Variants in POT1 observed in about 807,000 individuals in gnomAD.
POT1 encodes the protein protection of telomeres 1.
In POT1, 47 loss-of-function variants were observed where a neutral mutation model predicts 78.5. That is an observed-to-expected ratio of 0.60 (90% CI 0.47 to 0.76). The LOEUF (loss-of-function observed/expected upper bound fraction) is 0.76, where lower values mean the gene tolerates loss of function less well. Among genes scored for constraint, POT1 ranks in the 30% least tolerant of loss-of-function variants. The probability of loss-of-function intolerance (pLI) is 0.00; values close to 1 mark genes in which losing one functional copy is unlikely to be tolerated. For missense variants in POT1, 646 were observed against 749.9 expected (o/e 0.86, Z 1.62); for synonymous variants, 259 against 260.7 (o/e 0.99, Z 0.06).
intron 2 of POT1, among the ~76,000 whole-genome samples, chr7:124,923,589 A>C (rs1179311277): frequency 6.6e-6 from 1 of 151,834 alleles, no homozygotes; most frequent in East Asian, 1.9e-4. Context: ...GAGAGATTAG[A>C]AAGTTAAAAA....
intron 3 of POT1, among the ~76,000 whole-genome samples, chr7:124,905,460 C>A (rs1332037842): frequency 9.2e-5 from 14 of 152,096 alleles, no homozygotes; most frequent in African/African-American, 2.9e-4. Flanking sequence ...CCCTTCCTTA[C>A]ACCTTATACA....
At position 124,824,017 on chromosome 7, in the gene POT1, T is replaced by C; in HGVS notation, c.1850A>G (p.Asp617Gly). The C allele has an allele frequency of 6.2e-7, 1 of 1,609,602 alleles. No homozygotes were observed. Among genetic ancestry groups the C allele is most frequent in the East Asian group, 2.2e-5 (1 of 44,712 alleles). The change falls in exon 19 of 19, where the codon GAT becomes GGT. Residue 617 changes from aspartate (D) to glycine (G), a missense_variant. Asp to Gly is a moderately conservative substitution (Grantham distance 94, BLOSUM62 -1). This residue lies in a region of POT1 where 394 missense variants were observed against 408.4 expected (regional missense o/e 0.96). Transcript: ENST00000357628. ...IKSYNVTNGTDNQICYQIFDT... is the reference protein window; with the variant it reads ...IKSYNVTNGTGNQICYQIFDT... ...AAAAATCTGATAGCAAATTTGATTA[T>C]CTGTTCCATTTGTGACATTGTATGA... is the stretch of plus-strand genomic sequence containing the variant.
At chr7:124,829,005 T>C (rs1478316753) in intron 16 of POT1, 1 of 692,994 alleles carries the variant, frequency 1.4e-6, no homozygotes, top group East Asian at 2.9e-5. Flanking sequence ...AGTGGAATGC[T>C]TACTGAGGAG....
chr7:124,867,304 AAG>A (rs916162690), intron 7 of POT1, among the ~76,000 whole-genome samples: 154 of 152,116 alleles, frequency 1.0e-3, no homozygotes, highest in African/African-American at 3.4e-3. Flanking sequence ...CCACGTTAGT[AAG>A]AGAGATTTTT....
At chr7:124,840,865 T>C in intron 14 of POT1, 108 bp downstream of exon 14, 3 of 807,898 alleles carry the variant, frequency 3.7e-6, no homozygotes, top group Non-Finnish European at 5.6e-6. Flanking sequence ...TAAATACTAT[T>C]TTTACTTTAT....
intron 16 of POT1, among the ~76,000 whole-genome samples, chr7:124,827,863 C>T (rs1794668773): frequency 6.6e-6 from 1 of 151,962 alleles, no homozygotes; most frequent in African/African-American, 2.4e-5. Context: ...AACCCTGTCT[C>T]TACTAAAAAT....
At chr7:124,904,231 C>T (rs976108451) in intron 3 of POT1, among the ~76,000 whole-genome samples, 1 of 152,072 alleles carries the variant, frequency 6.6e-6, no homozygotes, top group African/African-American at 2.4e-5. Context: ...AATTTTAGAC[C>T]AATATCCCTG....
intron 2 of POT1, among the ~76,000 whole-genome samples, chr7:124,919,087 T>A (rs980819009): frequency 6.6e-5 from 10 of 152,176 alleles, no homozygotes; most frequent in Non-Finnish European, 1.3e-4. Flanking sequence ...CAGCCTACTA[T>A]ACACCGAGGC....
intron 6 of POT1, among the ~76,000 whole-genome samples, chr7:124,880,578 T>A (rs1452437716): frequency 6.6e-6 from 1 of 151,986 alleles, no homozygotes; most frequent in African/African-American, 2.4e-5. Context: ...TTAGATTTAA[T>A]CTAAATTTTA....
chr7:124,866,924 A>G (rs1795740432), intron 7 of POT1, among the ~76,000 whole-genome samples: 1 of 152,204 alleles, frequency 6.6e-6, no homozygotes, highest in African/African-American at 2.4e-5. Flanking sequence ...TAACTTTTAA[A>G]TGGGTTCTAC....
At chr7:124,925,395 T>C (rs1458641054) in intron 2 of POT1, among the ~76,000 whole-genome samples, 1 of 151,928 alleles carries the variant, frequency 6.6e-6, no homozygotes, top group African/African-American at 2.4e-5. Flanking sequence ...TAGGAATATA[T>C]TTAACTAACA....
intron 5 of POT1, among the ~76,000 whole-genome samples, chr7:124,893,261 C>A (rs1478091441): frequency 6.6e-6 from 1 of 151,232 alleles, no homozygotes; most frequent in Non-Finnish European, 1.5e-5. Flanking sequence ...TTTCTCTCTT[C>A]CCCTTACCCC....
At chr7:124,883,509 G>A (rs1215722875) in intron 6 of POT1, among the ~76,000 whole-genome samples, 1 of 152,016 alleles carries the variant, frequency 6.6e-6, no homozygotes, top group African/African-American at 2.4e-5. Flanking sequence ...ACAAACAAAT[G>A]AGTGAACCGA....
rs1487331291 is a variant in POT1 at position 124,823,546 on chromosome 7, G to A, written c.*416C>T. On this transcript the variant is annotated 3_prime_UTR_variant, in exon 19 of 19. Transcript: ENST00000357628. ...TTATAAATCTGACCACTTTTATTAG[G>A]TTGAGGTGAAATAGAGAAATCTCTA... The A allele has an allele frequency of 6.4e-6, 1 of 155,188 alleles. No homozygotes were observed. The highest frequency in any genetic ancestry group is 1.4e-5 in the Non-Finnish European group (1 of 70,332). The allele number at this position is 155,188 out of a possible 1,614,324, so 9.6% of individuals were successfully genotyped here. A position where few individuals can be genotyped will look rare whatever the true frequency, so the allele number is the denominator to read the frequency against.
rs1394504112 is a variant in POT1 at position 124,915,356 on chromosome 7, C to T, written c.-154+218G>A. On this transcript the variant is annotated intron_variant, in intron 3 of 18. Coordinates refer to ENST00000357628, the MANE Select transcript of POT1 (RefSeq NM_015450.3). ...AACAAATACAGCTATGTAACAAGTA[C>T]ATCTATGTAACATGTTAAAAGCCAA... Among the ~76,000 whole-genome samples the T allele has an allele frequency of 1.4e-4, 22 of 152,088 alleles. 1 individual carries two copies. The highest frequency in any genetic ancestry group is 3.2e-4 in the Non-Finnish European group (22 of 68,008).
chr7:124,839,781 A>G (rs1794981928), intron 14 of POT1, among the ~76,000 whole-genome samples: 1 of 152,146 alleles, frequency 6.6e-6, no homozygotes, highest in Admixed American at 6.5e-5. Flanking sequence ...CTTCCCCATT[A>G]TCAACATCTT....
intron 2 of POT1, among the ~76,000 whole-genome samples, chr7:124,920,891 A>C (rs1435456172): frequency 6.6e-6 from 1 of 152,120 alleles, no homozygotes; most frequent in African/African-American, 2.4e-5. Context: ...TGGGAGTTTG[A>C]GACCAGCCTG....
intron 8 of POT1, among the ~76,000 whole-genome samples, chr7:124,860,190 T>A (rs1333204733): frequency 6.6e-6 from 1 of 152,098 alleles, no homozygotes; most frequent in Non-Finnish European, 1.5e-5. Context: ...AGTAAAATGT[T>A]GCTTTATAGG....
intron 5 of POT1, among the ~76,000 whole-genome samples, chr7:124,894,679 T>G (rs532715729): frequency 7.3e-5 from 11 of 151,702 alleles, no homozygotes; most frequent in Non-Finnish European, 1.3e-4. Flanking sequence ...ATTTACATGA[T>G]TCCCAATAAG....
Sources: allele counts gnomAD v4.1 joint callset (sites outside exome capture counted in the v4.1 genomes callset), GRCh38; gene constraint gnomAD v4.1.1; regional missense constraint gnomAD v4.1.1; transcripts MANE v1.5; gene names NCBI Gene and HGNC (gene_info 2026-07-23, HGNC 2026-07-21).